The following FRMPD4 variants were observed in gnomAD, a reference collection of about 807,000 sequenced individuals.
The protein encoded by FRMPD4 is FERM and PDZ domain-containing protein 4.
Under a neutral mutation model 94.1 loss-of-function variants are expected in FRMPD4, and 22 were observed. The observed-to-expected ratio is 0.23, with a 90% CI of 0.17 to 0.33. The LOEUF (loss-of-function observed/expected upper bound fraction) is 0.33, where lower values mean the gene tolerates loss of function less well. FRMPD4 is among the 10% of genes least tolerant of loss of function. The pLI is 1.00. For synonymous variants in FRMPD4, 631 were observed against 548.6 expected (o/e 1.15, Z -2.10); for missense variants, 1,111 against 1,339.9 (o/e 0.83, Z 2.67).
At chrX:12,620,408 C>T (rs2059277146) in intron 4 of FRMPD4, among the ~76,000 whole-genome samples, 1 of 112,170 alleles carries the variant, frequency 8.9e-6, no homozygotes, top group Non-Finnish European at 1.9e-5. Flanking sequence ...CATTTCCAGC[C>T]CCTCTCAACC....
chrX:12,656,334 T>G (rs138290961), intron 4 of FRMPD4, among the ~76,000 whole-genome samples: 175 of 112,170 alleles, frequency 1.6e-3, no homozygotes, highest in African/African-American at 5.5e-3. Flanking sequence ...ACCTACCAAT[T>G]CCACTCCTAA....
intron 2 of FRMPD4, among the ~76,000 whole-genome samples, chrX:12,537,608 C>T (rs770836531): frequency 5.6e-5 from 6 of 106,792 alleles, no homozygotes; most frequent in South Asian, 4.4e-4. Context: ...GCATGCCACC[C>T]GCCTGGCTTA....
intron 1 of FRMPD4, among the ~76,000 whole-genome samples, chrX:12,363,514 T>C (rs1302883742): frequency 1.8e-5 from 2 of 111,551 alleles, no homozygotes; most frequent in African/African-American, 6.5e-5. Flanking sequence ...TCAGCAGCAG[T>C]GGAGGAAAGC....
intron 1 of FRMPD4, among the ~76,000 whole-genome samples, chrX:12,204,697 C>T (rs1268630623): frequency 2.7e-5 from 3 of 111,307 alleles, no homozygotes; most frequent in Non-Finnish European, 5.7e-5. Context: ...CTCTTCTCTT[C>T]ATCACTGTCT....
chrX:12,266,301 A>T (rs1026454484), intron 1 of FRMPD4, among the ~76,000 whole-genome samples: 12 of 111,106 alleles, frequency 1.1e-4, no homozygotes, highest in African/African-American at 3.9e-4. Flanking sequence ...ACAATAGTAA[A>T]CATTTCCCAT....
intron 1 of FRMPD4, among the ~76,000 whole-genome samples, chrX:12,231,846 A>G (rs2057012930): frequency 2.2e-5 from 1 of 45,961 alleles, no homozygotes; most frequent in South Asian, 1.1e-3. Context: ...TGAATAGAGA[A>G]GAGAAGCACG....
chrX:12,719,148 C>T (rs1359178608), intron 16 of FRMPD4, among the ~76,000 whole-genome samples: 2 of 112,464 alleles, frequency 1.8e-5, no homozygotes, highest in Non-Finnish European at 3.8e-5. Flanking sequence ...CTTCCCAAGA[C>T]ATCTGAGTTC....
intron 2 of FRMPD4, among the ~76,000 whole-genome samples, chrX:12,505,319 A>G (rs1295070421): frequency 8.9e-6 from 1 of 111,803 alleles, no homozygotes; most frequent in African/African-American, 3.3e-5. Flanking sequence ...GCCTGTGCCA[A>G]ATGCCACGTG....
At chrX:12,593,615 C>T (rs1321303486) in intron 2 of FRMPD4, among the ~76,000 whole-genome samples, 4 of 111,835 alleles carry the variant, frequency 3.6e-5, no homozygotes, top group African/African-American at 6.5e-5. Context: ...TCTTTTCTCT[C>T]GTGTTTTGAT....
chrX:12,420,856 A>G (rs187740615), intron 1 of FRMPD4, among the ~76,000 whole-genome samples: 4 of 112,057 alleles, frequency 3.6e-5, no homozygotes, highest in Non-Finnish European at 7.5e-5. Flanking sequence ...ATCCTTTTCC[A>G]GCTCCATCAC....
chrX:12,006,840 G>A (rs918982049), intron 3 of FRMPD4, among the ~76,000 whole-genome samples: 3 of 111,927 alleles, frequency 2.7e-5, no homozygotes, highest in Non-Finnish European at 5.6e-5. Flanking sequence ...CTAGAGGAAG[G>A]GCCCATCATT....
intron 5 of FRMPD4, 87 bp downstream of exon 5, chrX:12,674,995 T>C: frequency 3.2e-6 from 2 of 630,640 alleles, no homozygotes; most frequent in Non-Finnish European, 5.4e-6. Flanking sequence ...TAATGATGAA[T>C]AACAGCAGAG....
chrX:12,052,548 A>G (rs776745437), intron 3 of FRMPD4, among the ~76,000 whole-genome samples: 3 of 112,429 alleles, frequency 2.7e-5, no homozygotes, highest in African/African-American at 3.2e-5. Context: ...CCGAAAATAC[A>G]TAAACTCTGT....
intron 3 of FRMPD4, among the ~76,000 whole-genome samples, chrX:12,064,827 T>G (rs1235859636): frequency 1.8e-5 from 2 of 112,305 alleles, no homozygotes; most frequent in Non-Finnish European, 3.8e-5. Flanking sequence ...TTGAAAATGT[T>G]CATTTCAGTG....
chrX:12,163,876 G>A (rs945080090), intron 1 of FRMPD4, among the ~76,000 whole-genome samples: 1 of 111,830 alleles, frequency 8.9e-6, no homozygotes, highest in African/African-American at 3.2e-5. Context: ...GTAATTATCA[G>A]GGGTCCCAAC....
At chrX:12,231,672 G>A (rs12852964) in intron 1 of FRMPD4, among the ~76,000 whole-genome samples, 50,313 of 110,464 alleles carry the variant, frequency 0.46, 8,413 homozygotes, top group Non-Finnish European at 0.53. Context: ...TGGGAGAAGG[G>A]GGCATGGAGG....
intron 1 of FRMPD4, among the ~76,000 whole-genome samples, chrX:12,170,065 A>C (rs2056194044): frequency 8.9e-6 from 1 of 111,771 alleles, no homozygotes; most frequent in Non-Finnish European, 1.9e-5. Flanking sequence ...AAAAGTATAG[A>C]TACAGCATTG....
At chrX:12,411,752 A>T (rs2056734565) in intron 1 of FRMPD4, among the ~76,000 whole-genome samples, 2 of 111,564 alleles carry the variant, frequency 1.8e-5, no homozygotes, top group Admixed American at 1.9e-4. Flanking sequence ...CTGTTATTGC[A>T]TCCTTAGCAC....
chrX:11,919,314 G>T (rs1421543739), intron 3 of FRMPD4, among the ~76,000 whole-genome samples: 1 of 112,365 alleles, frequency 8.9e-6, no homozygotes, highest in African/African-American at 3.2e-5. Flanking sequence ...CTAGGCAAAG[G>T]GTTTGGTTAT....
Sources: allele counts gnomAD v4.1 joint callset (sites outside exome capture counted in the v4.1 genomes callset), GRCh38; gene constraint gnomAD v4.1.1; transcripts MANE v1.5; gene names NCBI Gene and HGNC (gene_info 2026-07-23, HGNC 2026-07-21).